ZNF529: variants seen among roughly 807,000 people sequenced by gnomAD.
ZNF529 encodes the protein zinc finger protein 529.
ZNF529 carries 11 observed loss-of-function variants against 10.1 expected under a neutral mutation model. That is an observed-to-expected ratio of 1.09 (90% CI 0.69 to 1.81). ZNF529 has a LOEUF of 1.81. Ranked by LOEUF, ZNF529 falls within the 40% of genes most tolerant of loss-of-function variation. The probability of loss-of-function intolerance (pLI) is 0.00; values close to 1 mark genes in which losing one functional copy is unlikely to be tolerated. For synonymous variants in ZNF529, 204 were observed against 215.7 expected, an observed-to-expected ratio of 0.95 and a Z score of 0.47; for missense variants, 624 against 666.8, an observed-to-expected ratio of 0.94 and a Z score of 0.71.
At chr19:36,551,099 G>T (rs1012022919) in intron 4 of ZNF529, among the ~76,000 whole-genome samples, 4 of 152,094 alleles carry the variant, frequency 2.6e-5, no homozygotes, top group African/African-American at 9.7e-5. Context: ...TGTTTTGCCA[G>T]AAAGAAAAAA....
At chr19:36,571,786 T>C (rs2036125089) in intron 2 of ZNF529, among the ~76,000 whole-genome samples, 2 of 150,042 alleles carry the variant, frequency 1.3e-5, no homozygotes, top group Non-Finnish European at 3.0e-5. Flanking sequence ...TGTATCAGGC[T>C]GCCTCTCACA....
At position 36,550,571 on chromosome 19, in the gene ZNF529, A is replaced by G. The variant is rs2035223059; in HGVS notation, c.236-2249T>C. The stretch of plus-strand genomic sequence containing the variant: ...AAAAAAAAAAGAAGCTCACTATTAA[A>G]TAACTGTTGAGTCAATGTGGAAATG... On this transcript the variant is annotated intron_variant, in intron 4 of 4. Coordinates refer to ENST00000591340, the MANE Select transcript of ZNF529 (RefSeq NM_020951.5). Among the ~76,000 whole-genome samples, 3 of 152,168 alleles carry G rather than the reference A, an allele frequency of 2.0e-5. No individual in the cohort carries two copies. In the South Asian group the frequency reaches 6.2e-4, roughly 31 times the overall value.
At chr19:36,589,417 G>A (rs1296652357) in intron 2 of ZNF529, among the ~76,000 whole-genome samples, 7 of 152,178 alleles carry the variant, frequency 4.6e-5, no homozygotes, top group Admixed American at 4.6e-4. Flanking sequence ...CTTGCTGGTA[G>A]GGGGAAATCC....
intron 2 of ZNF529, among the ~76,000 whole-genome samples, 158 bp downstream of exon 2, chr19:36,572,175 T>C (rs564348162): frequency 2.6e-4 from 39 of 151,462 alleles, no homozygotes; most frequent in Non-Finnish European, 4.6e-4. Context: ...CATGGGAGAA[T>C]TGAATGATTT....
intron 2 of ZNF529, chr19:36,582,407 A>T (rs2036484365): frequency 6.6e-6 from 1 of 152,106 alleles, no homozygotes; most frequent in South Asian, 2.1e-4. Flanking sequence ...AAAAAGAAGT[A>T]AAGATGGGCA....
chr19:36,597,155 C>A (rs1462019704), intron 1 of ZNF529, among the ~76,000 whole-genome samples: 1 of 152,166 alleles, frequency 6.6e-6, no homozygotes, highest in Non-Finnish European at 1.5e-5. Context: ...TAGGCATGAG[C>A]AACTGTGCCC....
chr19:36,578,254 C>T (rs8112546), upstream of ZNF529, among the ~76,000 whole-genome samples: 41,571 of 127,666 alleles, frequency 0.33, 6,242 homozygotes, highest in Middle Eastern at 0.4. Context: ...TTAGTAGAGA[C>T]GAGGTTTCAA....
chr19:36,571,385 G>A (rs1371696746), intron 2 of ZNF529, among the ~76,000 whole-genome samples: 4 of 152,018 alleles, frequency 2.6e-5, no homozygotes, highest in Non-Finnish European at 5.9e-5. Context: ...TTTTTAAAAT[G>A]TGTTTAAAGC....
rs778914917 is a variant in ZNF529, at chr19:36,546,900, G to C, written c.1658C>G (p.Pro553Arg). The stretch of plus-strand genomic sequence containing the variant: ...TGATTTCTCACCAGTGTAAATTTTC[G>C]GTTGGCAAGTAAGATGCCCAACAAC... ...FSVVGHLTCQ[P>R]KIYTGEKSFD Residue 553 changes from proline (P) to arginine (R), a missense_variant, in exon 5 of 5, where the codon CCG becomes CGG. Coordinates refer to ENST00000591340, the MANE Select transcript of ZNF529 (RefSeq NM_020951.5). 4 of 1,605,492 alleles carry C rather than the reference G, an allele frequency of 2.5e-6. No homozygotes were observed. In the Admixed American group the frequency reaches 5.1e-5, roughly 20 times the overall value.
At chr19:36,554,832 T>C in intron 3 of ZNF529, 36 bp from the exon 4 acceptor site, 1 of 1,477,530 alleles carries the variant, frequency 6.8e-7, no homozygotes. Context: ...AGGTAAAATT[T>C]AAGGAAATAT....
chr19:36,567,035 A>G (rs1256959329), intron 2 of ZNF529, among the ~76,000 whole-genome samples: 2 of 152,142 alleles, frequency 1.3e-5, no homozygotes, highest in East Asian at 1.9e-4. Flanking sequence ...AAAAATTCAT[A>G]TGACATTGCA....
chr19:36,571,293 C>A (rs1387154618), intron 2 of ZNF529, among the ~76,000 whole-genome samples: 1 of 152,130 alleles, frequency 6.6e-6, no homozygotes, highest in Non-Finnish European at 1.5e-5. Context: ...GTATTCATAT[C>A]ATTACATGTT....
chr19:36,564,615 C>A (rs970502747), intron 2 of ZNF529, among the ~76,000 whole-genome samples: 1 of 152,048 alleles, frequency 6.6e-6, no homozygotes, highest in African/African-American at 2.4e-5. Context: ...GGTGAGGCTG[C>A]GGAGAAAAGG....
intron 4 of ZNF529, among the ~76,000 whole-genome samples, chr19:36,553,311 T>A (rs1471910777): frequency 3.3e-5 from 5 of 152,062 alleles, no homozygotes; most frequent in Non-Finnish European, 5.9e-5. Flanking sequence ...GATTTTTTTA[T>A]ATTTTAGTAG....
intron 2 of ZNF529, among the ~76,000 whole-genome samples, chr19:36,584,402 T>C (rs935232290): frequency 6.6e-6 from 1 of 152,088 alleles, no homozygotes; most frequent in African/African-American, 2.4e-5. Flanking sequence ...ATGTTGGGGA[T>C]TCTGTTTACT....
At chr19:36,575,153 G>T (rs767134115), upstream of ZNF529, among the ~76,000 whole-genome samples, 43 of 152,198 alleles carry the variant, frequency 2.8e-4, 1 homozygote, top group Admixed American at 6.5e-4. Context: ...TCATGGTTTT[G>T]TGTGTACATT....
At chr19:36,559,779 G>A (rs1357925089) in intron 2 of ZNF529, among the ~76,000 whole-genome samples, 2 of 152,142 alleles carry the variant, frequency 1.3e-5, no homozygotes, top group Non-Finnish European at 2.9e-5. Flanking sequence ...ACAGAGGGGG[G>A]TGGTTATCCT....
At chr19:36,602,915 A>C (rs11882116) in intron 1 of ZNF529, among the ~76,000 whole-genome samples, 8,282 of 145,010 alleles carry the variant, frequency 0.057, 248 homozygotes, top group African/African-American at 0.069. Flanking sequence ...GGGCAACAAA[A>C]GTGAAACTCC....
chr19:36,597,435 C>T (rs1007865901), intron 1 of ZNF529, among the ~76,000 whole-genome samples: 2 of 152,146 alleles, frequency 1.3e-5, no homozygotes, highest in Non-Finnish European at 2.9e-5. Context: ...CTGTGCTTAA[C>T]TTGTTACAAC....
Sources: gnomAD v4.1 joint callset for allele counts (sites outside exome capture counted in the v4.1 genomes callset) on GRCh38, gnomAD v4.1.1 for gene constraint, MANE v1.5 for transcripts, NCBI Gene and HGNC (gene_info 2026-07-23, HGNC 2026-07-21) for gene names.